The following FAM186A variants were observed in gnomAD, a reference collection of about 807,000 sequenced individuals.
The protein encoded by FAM186A is protein FAM186A.
A neutral mutation model predicts 216.8 loss-of-function variants in FAM186A; 163 were observed. That is an observed-to-expected ratio of 0.75 (90% confidence interval 0.66 to 0.86). The LOEUF is 0.86. Among genes scored for constraint, FAM186A ranks in the 40% least tolerant of loss-of-function variants. The pLI, the probability that FAM186A is intolerant of heterozygous loss-of-function variation, is 0.00. For missense variants in FAM186A, 2,184 were observed against 2,746.2 expected (o/e 0.80, Z 4.58); for synonymous variants, 805 against 1,025.3 (o/e 0.79, Z 4.10).
At chr12:50,379,402 G>A (rs1315597015) in intron 1 of FAM186A, among the ~76,000 whole-genome samples, 2 of 143,404 alleles carry the variant, frequency 1.4e-5, no homozygotes, top group African/African-American at 5.2e-5. Context: ...ATAGTGCCAC[G>A]GCACTCCAGC....
intron 7 of FAM186A, among the ~76,000 whole-genome samples, chr12:50,329,601 T>G (rs909405806): frequency 2.0e-5 from 3 of 147,400 alleles, no homozygotes; most frequent in African/African-American, 4.9e-5. Context: ...TAACACTACT[T>G]TTTTTTTTTT....
At position 50,356,254 on chromosome 12, in the gene FAM186A, G is replaced by GA. The variant is rs1266403190; in HGVS notation, c.584-7dup. On this transcript the variant is annotated splice_polypyrimidine_tract_variant and splice_region_variant and intron_variant, in intron 3 of 7. Coordinates refer to ENST00000327337, the MANE Select transcript of FAM186A (RefSeq NM_001145475.3). ...CCATAGAGTACCTCTAGATACTGAA[G>GA]AACAAAACATAAAACAGTGAGATGG... 2.0e-6 allele frequency: 3 copies of GA among 1,516,866 alleles called. No homozygotes were observed. The highest frequency in any genetic ancestry group is 1.3e-5 in the South Asian group (1 of 78,422). 94.0% of individuals were successfully genotyped at this position (1,516,866 alleles called of 1,614,324 possible). A position where few individuals can be genotyped will look rare whatever the true frequency, so the allele number is the denominator to read the frequency against.
chr12:50,393,148 G>C (rs145191726), intron 1 of FAM186A, among the ~76,000 whole-genome samples: 11 of 151,534 alleles, frequency 7.3e-5, no homozygotes, highest in Non-Finnish European at 1.5e-4. Flanking sequence ...GAATGGTCTC[G>C]ATCTCCCGAC....
intron 1 of FAM186A, among the ~76,000 whole-genome samples, chr12:50,378,959 A>G (rs951768608): frequency 6.6e-6 from 1 of 152,230 alleles, no homozygotes; most frequent in African/African-American, 2.4e-5. Context: ...ATGTCCATAC[A>G]TAGGAAAGTG....
chr12:50,337,551 G>A (rs1401444972), intron 4 of FAM186A, among the ~76,000 whole-genome samples: 3 of 150,284 alleles, frequency 2.0e-5, no homozygotes, highest in East Asian at 4.0e-4. Context: ...CGCCCACCTC[G>A]GTTCCCAAAG....
chr12:50,388,442 A>C (rs1943325953), intron 1 of FAM186A, among the ~76,000 whole-genome samples: 1 of 151,172 alleles, frequency 6.6e-6, no homozygotes, highest in African/African-American at 2.4e-5. Context: ...ACACAGTGAA[A>C]CCCCCCTCTC....
Position 50,355,352 on chromosome 12 carries a change from A to T in FAM186A, c.1480T>A (p.Tyr494Asn). ...KVSEAKPSQY[Y>N]ELQVLKKKRK... is the part of the protein sequence containing the mutation. Reference sequence around the variant, plus strand: ...TTCTTTTTCAGTACTTGTAGCTCATAGTATTGACTAGGTTTGGCCTCTGAG... The same window carrying T: ...TTCTTTTTCAGTACTTGTAGCTCATTGTATTGACTAGGTTTGGCCTCTGAG... Residue 494 changes from tyrosine to asparagine, a missense_variant, in exon 4 of 8, where the codon TAT becomes AAT. Tyr to Asn is a moderately radical substitution (Grantham distance 143). Transcript: ENST00000327337. 1 of 1,551,052 alleles carries T rather than the reference A, an allele frequency of 6.4e-7. No homozygotes were observed. The highest frequency in any genetic ancestry group is 1.2e-5 in the South Asian group (1 of 83,932).
chr12:50,383,347 A>C (rs1446911313), intron 1 of FAM186A, among the ~76,000 whole-genome samples: 1 of 149,020 alleles, frequency 6.7e-6, no homozygotes, highest in Non-Finnish European at 1.5e-5. Context: ...CTGTAATCCC[A>C]GCACTTTGGG....
At chr12:50,364,021 A>G (rs1187574948) in intron 1 of FAM186A, among the ~76,000 whole-genome samples, 3 of 152,152 alleles carry the variant, frequency 2.0e-5, no homozygotes, top group African/African-American at 7.2e-5. Flanking sequence ...TACCTCATAT[A>G]TGGCACTTGG....
At chr12:50,364,561 A>C (rs1385276178) in intron 1 of FAM186A, among the ~76,000 whole-genome samples, 1 of 149,658 alleles carries the variant, frequency 6.7e-6, no homozygotes, top group African/African-American at 2.4e-5. Context: ...CTGTCTAAAA[A>C]TAAATAAATA....
chr12:50,333,227 G>A (rs1237179475), intron 5 of FAM186A, among the ~76,000 whole-genome samples: 2 of 151,868 alleles, frequency 1.3e-5, no homozygotes, highest in Non-Finnish European at 1.5e-5. Flanking sequence ...ACCACAGCTT[G>A]TAATATTTAC....
chr12:50,372,014 G>T (rs1337568338), intron 1 of FAM186A, among the ~76,000 whole-genome samples: 1 of 151,968 alleles, frequency 6.6e-6, no homozygotes, highest in Admixed American at 6.6e-5. Flanking sequence ...GTTTCACCAT[G>T]TTGGTCAGGC....
intron 4 of FAM186A, among the ~76,000 whole-genome samples, chr12:50,336,813 A>G (rs1942712637): frequency 6.6e-6 from 1 of 151,208 alleles, no homozygotes; most frequent in Non-Finnish European, 1.5e-5. Flanking sequence ...AGGAGTTTGG[A>G]TCTTCTCTTA....
intron 1 of FAM186A, among the ~76,000 whole-genome samples, chr12:50,378,568 ATATATACACATATGTAAATTG>A (rs1242458697): frequency 0.17 from 3,052 of 18,310 alleles, 83 homozygotes; most frequent in Non-Finnish European, 0.32. Context: ...GTATATATAT[ATATATACACATATGTAAATTG>A]TATATATATA....
chr12:50,377,478 A>ATACT (rs112865998), intron 1 of FAM186A, among the ~76,000 whole-genome samples: 146,098 of 152,150 alleles, frequency 0.96, 70,411 homozygotes, highest in East Asian at 1. Context: ...ATGGGAGAAA[A>ATACT]TACGAACTTG....
chr12:50,336,821 T>C (rs10219545), intron 4 of FAM186A, among the ~76,000 whole-genome samples: 1 of 151,272 alleles, frequency 6.6e-6, no homozygotes, highest in East Asian at 1.9e-4. Flanking sequence ...GGATCTTCTC[T>C]TATTTTTTTT....
chr12:50,376,746 C>CT (rs55712994), intron 1 of FAM186A, among the ~76,000 whole-genome samples: 4 of 142,746 alleles, frequency 2.8e-5, no homozygotes, highest in African/African-American at 1.0e-4. Flanking sequence ...CTCTCTCTCT[C>CT]TTTTTTTTTT....
In FAM186A at chr12:50,351,390, C is replaced by A. The variant is rs954054474; in HGVS notation, c.5442G>T (p.Pro1814=). 3 of 1,470,730 alleles carry A rather than the reference C, an allele frequency of 2.0e-6. No homozygotes were observed. The highest frequency in any genetic ancestry group is 1.4e-5 in the African/African-American group (1 of 70,222). The allele number at this position is 1,470,730 out of a possible 1,614,324, so 91.1% of individuals were successfully genotyped here. Residue 1814 remains proline, a synonymous_variant, in exon 4 of 8, where the codon CCG becomes CCT. Coordinates refer to ENST00000327337, the MANE Select transcript of FAM186A (RefSeq NM_001145475.3). ...YGGQSTSAQF[P]APQAPPSPGQ... is the part of the protein sequence containing the mutation. ...CAGGGGAGGGAGGGGCCTGTGGTGC[C>A]GGGAACTGCGCAGAAGTGGATTGAC...
At chr12:50,350,306 T>C (rs1224808409) in intron 4 of FAM186A, 23 bp downstream of exon 4, 1 of 1,491,282 alleles carries the variant, frequency 6.7e-7, no homozygotes, top group Non-Finnish European at 9.0e-7. Context: ...ACCAGAAAAC[T>C]AGACGTAAAT....
Sources: allele counts gnomAD v4.1 joint callset (sites outside exome capture counted in the v4.1 genomes callset), GRCh38; gene constraint gnomAD v4.1.1; transcripts MANE v1.5; gene names NCBI Gene and HGNC (gene_info 2026-07-23, HGNC 2026-07-21).